Variants in NUP93 observed in about 807,000 individuals in gnomAD.
The protein encoded by NUP93 is nucleoporin 93.
A neutral mutation model predicts 107.8 loss-of-function variants in NUP93; 55 were observed. That is an observed-to-expected ratio of 0.51 (90% CI 0.41 to 0.64). NUP93 has a LOEUF of 0.64. Among genes scored for constraint, NUP93 ranks in the 30% least tolerant of loss-of-function variants. The pLI is 0.00. For synonymous variants in NUP93, 390 were observed against 397.5 expected (o/e 0.98, Z 0.22); for missense variants, 937 against 1,044.7 (o/e 0.90, Z 1.42).
intron 1 of NUP93, among the ~76,000 whole-genome samples, chr16:56,733,034 C>CATAG: frequency 6.6e-6 from 1 of 152,238 alleles, no homozygotes; most frequent in Middle Eastern, 3.4e-3. Flanking sequence ...CTGCAGCATA[C>CATAG]ATAGGAGTTC....
chr16:56,823,794 G>A lies in NUP93; in HGVS notation c.742G>A (p.Val248Met), dbSNP rs762899574. The stretch of plus-strand genomic sequence containing the variant: ...GGATGCCCTGAAGAACCGCAGCAGC[G>A]TGGAAGTGCGCATGGAGTTTGTCAG... ...ATDALKNRSS[V>M]EVRMEFVRQA... The change falls in exon 8 of 22, where the codon GTG becomes ATG. Residue 248 changes from valine to methionine, a missense_variant. Coordinates refer to ENST00000308159, the MANE Select transcript of NUP93 (RefSeq NM_014669.5). 1.2e-5 allele frequency: 20 copies of A among 1,614,040 alleles called. No homozygotes were observed. Among genetic ancestry groups the A allele is most frequent in the South Asian group, 3.3e-5 (3 of 91,090 alleles).
At chr16:56,751,040 C>T (rs746028509) in intron 2 of NUP93, among the ~76,000 whole-genome samples, 5 of 151,884 alleles carry the variant, frequency 3.3e-5, no homozygotes, top group Admixed American at 6.6e-5. Context: ...CCCAGCTACT[C>T]GGGAGGCTGA....
In NUP93 at chr16:56,845,481, T is replaced by C. The variant is rs1163847392; in HGVS notation, c.*872T>C. 4 of 152,218 alleles carry C rather than the reference T, an allele frequency of 2.6e-5. No homozygotes were observed. The highest frequency in any genetic ancestry group is 5.9e-5 in the Non-Finnish European group (4 of 68,062). The allele number at this position is 152,218 out of a possible 1,614,324, so 9.4% of individuals were successfully genotyped here. ...CATGGGTCACGTGCTGAGTCTGCAA[T>C]GTACAGAATCCAGACCACCACATGG... On this transcript the variant is annotated 3_prime_UTR_variant, in exon 22 of 22. Coordinates refer to ENST00000308159, the MANE Select transcript of NUP93 (RefSeq NM_014669.5).
chr16:56,820,653 A>G (rs2144608183), intron 6 of NUP93, among the ~76,000 whole-genome samples: 1 of 152,330 alleles, frequency 6.6e-6, no homozygotes, highest in South Asian at 2.1e-4. Context: ...TGGAAGATGA[A>G]TGATACTGAT....
chr16:56,806,140 C>T (rs1963133617), intron 5 of NUP93, among the ~76,000 whole-genome samples: 1 of 150,722 alleles, frequency 6.6e-6, no homozygotes, highest in Non-Finnish European at 1.5e-5. Flanking sequence ...AACTCCTTCC[C>T]TATCCCCCTT....
chr16:56,827,043 T>TAAAAAAAAA (rs1963676974), intron 8 of NUP93, among the ~76,000 whole-genome samples: 1 of 7,780 alleles, frequency 1.3e-4, no homozygotes, highest in African/African-American at 6.5e-4. Context: ...AGACTCCGTC[T>TAAAAAAAAA]CAAAAAAAAA....
At chr16:56,826,988 G>A (rs1440613677) in intron 8 of NUP93, among the ~76,000 whole-genome samples, 1 of 142,542 alleles carries the variant, frequency 7.0e-6, no homozygotes, top group Non-Finnish European at 1.5e-5. Context: ...AGAGGTTGCA[G>A]TGAGCCGAGG....
chr16:56,740,052 G>A (rs1219139918), intron 1 of NUP93, among the ~76,000 whole-genome samples: 3 of 100,068 alleles, frequency 3.0e-5, no homozygotes, highest in Non-Finnish European at 6.1e-5. Context: ...CCTCCCAGAC[G>A]GGGCGGCTGG....
At chr16:56,744,803 C>G (rs1476843106) in intron 1 of NUP93, among the ~76,000 whole-genome samples, 1 of 152,164 alleles carries the variant, frequency 6.6e-6, no homozygotes, top group Non-Finnish European at 1.5e-5. Context: ...TTATGCTGTG[C>G]TGCCTCAGAA....
At chr16:56,806,860 G>T (rs1185622183) in intron 5 of NUP93, among the ~76,000 whole-genome samples, 1 of 152,154 alleles carries the variant, frequency 6.6e-6, no homozygotes, top group Non-Finnish European at 1.5e-5. Flanking sequence ...ACTACCAGGA[G>T]GTGGGAGTTA....
chr16:56,797,566 G>A (rs1238967253), intron 3 of NUP93, among the ~76,000 whole-genome samples: 5 of 152,180 alleles, frequency 3.3e-5, no homozygotes, highest in East Asian at 1.9e-4. Context: ...GTCAGATCTC[G>A]GCTGAAGCAA....
At chr16:56,790,041 G>C (rs1203255789) in intron 3 of NUP93, among the ~76,000 whole-genome samples, 2 of 152,270 alleles carry the variant, frequency 1.3e-5, no homozygotes, top group East Asian at 3.9e-4. Flanking sequence ...AGGTTGCAGT[G>C]AACCCAGATG....
intron 6 of NUP93, among the ~76,000 whole-genome samples, chr16:56,819,188 A>G (rs1238883762): frequency 1.3e-5 from 2 of 152,214 alleles, no homozygotes; most frequent in African/African-American, 4.8e-5. Context: ...GTTGTCCTAG[A>G]AAAGCTCATA....
intron 3 of NUP93, among the ~76,000 whole-genome samples, chr16:56,787,919 C>T (rs1371886607): frequency 1.3e-5 from 2 of 152,130 alleles, no homozygotes; most frequent in Non-Finnish European, 2.9e-5. Flanking sequence ...TCTATTTATA[C>T]CTTGGGTGAG....
chr16:56,791,335 C>G (rs1299652518), intron 3 of NUP93, among the ~76,000 whole-genome samples: 2 of 152,152 alleles, frequency 1.3e-5, no homozygotes, highest in Admixed American at 6.5e-5. Context: ...GTGTAACTGT[C>G]CAACTGTCCA....
chr16:56,847,670 C>T lies in NUP93; in HGVS notation c.*3061C>T, dbSNP rs1261108280. 6.6e-6 allele frequency: 1 copy of T among 152,180 alleles called. No individual in the cohort carries two copies. The highest frequency in any genetic ancestry group is 2.4e-5 in the African/African-American group (1 of 41,450). The allele number at this position is 152,180 out of a possible 1,614,324, so 9.4% of individuals were successfully genotyped here. A position where few individuals can be genotyped will look rare whatever the true frequency, so the allele number is the denominator to read the frequency against. ...AGCAACAAAAAACTCTTTGACTCCC[C>T]AACTTCAGAGGGAAAACTGAAGCGA... On this transcript the variant is annotated 3_prime_UTR_variant, in exon 22 of 22. Coordinates refer to ENST00000308159, the MANE Select transcript of NUP93 (RefSeq NM_014669.5).
intron 10 of NUP93, chr16:56,831,568 GC>G: frequency 2.7e-6 from 1 of 366,870 alleles, no homozygotes; most frequent in South Asian, 2.9e-5. Flanking sequence ...GCTGGGTTGT[GC>G]AATGGAGTTC....
At chr16:56,789,661 G>T (rs1361087118) in intron 3 of NUP93, among the ~76,000 whole-genome samples, 1 of 152,238 alleles carries the variant, frequency 6.6e-6, no homozygotes, top group African/African-American at 2.4e-5. Context: ...TGCACAGCAA[G>T]AAATCATATA....
chr16:56,793,558 G>C (rs1962816419), intron 3 of NUP93, among the ~76,000 whole-genome samples: 1 of 152,132 alleles, frequency 6.6e-6, no homozygotes, highest in Admixed American at 6.5e-5. Flanking sequence ...CATCTCCTGG[G>C]TGAGGCATGA....
Sources: allele counts gnomAD v4.1 joint callset (sites outside exome capture counted in the v4.1 genomes callset), GRCh38; gene constraint gnomAD v4.1.1; transcripts MANE v1.5; gene names NCBI Gene and HGNC (gene_info 2026-07-23, HGNC 2026-07-21).